The following NEBL variants were observed in gnomAD, a reference collection of about 807,000 sequenced individuals.
NEBL encodes LIM and SH3 protein 2.
Under a neutral mutation model 140.2 loss-of-function variants are expected in NEBL, and 122 were observed. That is an observed-to-expected ratio of 0.87 (90% confidence interval 0.75 to 1.01). The LOEUF (loss-of-function observed/expected upper bound fraction) is 1.01. NEBL is among the 50% of genes least tolerant of loss of function. NEBL has a pLI of 0.00. For missense variants in NEBL, 1,365 were observed against 1,231.3 expected (o/e 1.11, Z -1.62); for synonymous variants, 436 against 398.9 (o/e 1.09, Z -1.11).
chr10:21,289,052 T>C (rs997059716), intron 1 of NEBL, among the ~76,000 whole-genome samples: 1 of 151,234 alleles, frequency 6.6e-6, no homozygotes, highest in Non-Finnish European at 1.5e-5. Context: ...TTTCACCATC[T>C]TGGCCAGGCT....
intron 2 of NEBL, among the ~76,000 whole-genome samples, chr10:21,071,766 C>T (rs1395224200): frequency 6.6e-6 from 1 of 151,648 alleles, no homozygotes; most frequent in African/African-American, 2.4e-5. Flanking sequence ...TTTGCAGTTC[C>T]AAAGATCAGA....
chr10:20,963,003 AACACACACACACACACACAC>A (rs35031266), intron 3 of NEBL, among the ~76,000 whole-genome samples: 5 of 143,210 alleles, frequency 3.5e-5, no homozygotes, highest in Admixed American at 7.0e-5. Flanking sequence ...TTGAAAGAAA[AACACACACACACACACACAC>A]ACACACACAC....
At chr10:21,073,943 C>T (rs1419317837) in intron 2 of NEBL, among the ~76,000 whole-genome samples, 2 of 151,900 alleles carry the variant, frequency 1.3e-5, no homozygotes, top group African/African-American at 4.8e-5. Flanking sequence ...GACGTGGTGG[C>T]GGGTGCCTGT....
intron 2 of NEBL, among the ~76,000 whole-genome samples, chr10:21,088,467 C>T (rs760835711): frequency 3.9e-5 from 6 of 152,132 alleles, no homozygotes; most frequent in Admixed American, 1.3e-4. Context: ...CTGGTTGTCA[C>T]GGTGAGATTC....
intron 3 of NEBL, among the ~76,000 whole-genome samples, chr10:21,209,324 T>G (rs1237298344): frequency 1.3e-5 from 2 of 152,254 alleles, no homozygotes; most frequent in African/African-American, 2.4e-5. Context: ...TCGGTTAAAT[T>G]TGAATTTCAG....
chr10:21,066,971 C>CTTTTTTTTTT (rs56352671), intron 2 of NEBL, among the ~76,000 whole-genome samples: 5 of 112,832 alleles, frequency 4.4e-5, no homozygotes, highest in Non-Finnish European at 5.2e-5. Flanking sequence ...AATAATTTAA[C>CTTTTTTTTTT]TTTTTTTTTT....
At chr10:20,800,079 G>A (rs1836965687) in intron 26 of NEBL, among the ~76,000 whole-genome samples, 1 of 152,112 alleles carries the variant, frequency 6.6e-6, no homozygotes, top group Non-Finnish European at 1.5e-5. Context: ...CTCTAGATGT[G>A]TTTATCTTAC....
chr10:21,126,799 CCT>C (rs1165606818), intron 2 of NEBL, among the ~76,000 whole-genome samples: 1 of 151,686 alleles, frequency 6.6e-6, no homozygotes, highest in African/African-American at 2.4e-5. Context: ...ATGCTGAAAC[CCT>C]GTCTCCACTA....
At chr10:21,074,221 C>G (rs2131913306) in intron 2 of NEBL, among the ~76,000 whole-genome samples, 1 of 152,286 alleles carries the variant, frequency 6.6e-6, no homozygotes, top group East Asian at 1.9e-4. Context: ...GTCCATGTGC[C>G]TCAGCATGAA....
chr10:21,147,148 T>A (rs1211374824), intron 2 of NEBL, among the ~76,000 whole-genome samples: 1 of 152,186 alleles, frequency 6.6e-6, no homozygotes, highest in Non-Finnish European at 1.5e-5. Context: ...GAAATGGAGA[T>A]GCGTTTAGGA....
At position 20,852,628 on chromosome 10, in the gene NEBL, C is replaced by A. The variant is rs1842662408; in HGVS notation, c.925G>T (p.Glu309Ter). The change falls in exon 10 of 28, where the codon GAG becomes TAG. Residue 309 changes from glutamate (E) to a stop codon, truncating the protein, a stop_gained. Transcript: ENST00000377122. LOFTEE classifies it high-confidence loss of function. ...AAATGATACATTCCTTTGTTTTCCTCAAAGAGCTTTTTATATTCTCGCTAA... is the reference window on the plus strand; with the variant it reads ...AAATGATACATTCCTTTGTTTTCCTAAAAGAGCTTTTTATATTCTCGCTAA... ...LSGREYKKLF[E>*]ENKGMYHFDA... 1 of 1,613,100 alleles carries A rather than the reference C, an allele frequency of 6.2e-7. No homozygotes were observed. Among genetic ancestry groups the A allele is most frequent in the Non-Finnish European group, 8.5e-7 (1 of 1,179,396 alleles).
intron 3 of NEBL, among the ~76,000 whole-genome samples, chr10:20,967,485 G>A (rs538678813): frequency 1.2e-3 from 190 of 152,220 alleles, no homozygotes; most frequent in Non-Finnish European, 2.3e-3. Flanking sequence ...AAAATTAGCC[G>A]GGTGTGATGG....
At chr10:20,818,685 G>A (rs547671096) in intron 20 of NEBL, 1 of 582,976 alleles carries the variant, frequency 1.7e-6, no homozygotes, top group Admixed American at 6.3e-5. Context: ...GGTCCTTGAG[G>A]ATAGAAAGTG....
intron 2 of NEBL, among the ~76,000 whole-genome samples, chr10:21,040,468 C>G (rs952198290): frequency 1.1e-4 from 16 of 152,172 alleles, no homozygotes; most frequent in African/African-American, 3.9e-4. Context: ...GAAGGGGGAG[C>G]AGGTATGTTA....
intron 4 of NEBL, among the ~76,000 whole-genome samples, chr10:20,881,143 T>A (rs547948436): frequency 6.6e-6 from 1 of 152,286 alleles, no homozygotes; most frequent in African/African-American, 2.4e-5. Context: ...GAAATTTCCA[T>A]TTTTATTCAT....
At chr10:21,020,694 T>G (rs1440457250) in intron 2 of NEBL, among the ~76,000 whole-genome samples, 1 of 152,158 alleles carries the variant, frequency 6.6e-6, no homozygotes. Flanking sequence ...CATCTTGTAG[T>G]CCTCCTCTTG....
At chr10:20,850,310 C>A (rs1842379613) in intron 11 of NEBL, 85 bp downstream of exon 11, 1 of 1,110,302 alleles carries the variant, frequency 9.0e-7, no homozygotes. Flanking sequence ...CTCTTCCTTC[C>A]AGACCCACTG....
At chr10:20,793,968 T>C (rs1456911451) in intron 26 of NEBL, among the ~76,000 whole-genome samples, 2 of 152,234 alleles carry the variant, frequency 1.3e-5, no homozygotes, top group African/African-American at 2.4e-5. Context: ...ATTTTAAACA[T>C]GCTATTTCCC....
chr10:20,940,641 C>A (rs1197178699), intron 4 of NEBL, among the ~76,000 whole-genome samples: 1 of 141,084 alleles, frequency 7.1e-6, no homozygotes, highest in Non-Finnish European at 1.5e-5. Flanking sequence ...TCAATGAACA[C>A]AAGGAGCTGG....
Sources: gnomAD v4.1 joint callset for allele counts (sites outside exome capture counted in the v4.1 genomes callset) on GRCh38, gnomAD v4.1.1 for gene constraint, MANE v1.5 for transcripts, NCBI Gene and HGNC (gene_info 2026-07-23, HGNC 2026-07-21) for gene names.